Variants in GSDMC observed in about 807,000 individuals in gnomAD.
GSDMC encodes gasdermin C, also known as gasdermin-C.
A neutral mutation model predicts 58.0 loss-of-function variants in GSDMC; 59 were observed. That is an observed-to-expected ratio of 1.02 (90% confidence interval 0.82 to 1.26). The LOEUF (loss-of-function observed/expected upper bound fraction) is 1.26. Among genes scored for constraint, GSDMC ranks in the 50% most tolerant of loss-of-function variants. GSDMC has a pLI of 0.00. For synonymous variants in GSDMC, 241 were observed against 220.2 expected, an observed-to-expected ratio of 1.09 and a Z score of -0.83; for missense variants, 659 against 598.5, an observed-to-expected ratio of 1.10 and a Z score of -1.06.
In GSDMC at chr8:129,748,318, C is replaced by G; in HGVS notation, c.*183G>C. ...ATAAACTCTTGTCAATATATAAACT[C>G]TTGTCAATATATAGAGTATTCCACC... On this transcript the variant is annotated 3_prime_UTR_variant, in exon 14 of 14. Coordinates refer to ENST00000276708, the MANE Select transcript of GSDMC (RefSeq NM_031415.3). 2.0e-6 allele frequency: 1 copy of G among 501,508 alleles called. No homozygotes were observed. The highest frequency in any genetic ancestry group is 3.2e-5 in the East Asian group (1 of 31,718). The allele number at this position is 501,508 out of a possible 1,614,324, so 31.1% of individuals were successfully genotyped here.
intron 12 of GSDMC, 118 bp downstream of exon 12, chr8:129,749,872 A>G: frequency 1.3e-6 from 1 of 786,910 alleles, no homozygotes; most frequent in Non-Finnish European, 2.0e-6. Context: ...GCTGTGATGT[A>G]AGGACGAAAG....
rs74598894 is a variant in GSDMC at position 129,781,470 on chromosome 8, C to T, written c.-4-3879G>A. Among the ~76,000 whole-genome samples the T allele has an allele frequency of 9.5e-3, 1,447 of 152,214 alleles. 24 individuals are homozygous for T. Among genetic ancestry groups the T allele is most frequent in the African/African-American group, 0.032 (1,314 of 41,516 alleles). On this transcript the variant is annotated intron_variant, in intron 1 of 13. Transcript: ENST00000276708. ...TAATAGCTAGAGACTTCAGGCGAGACGCGATGGCTCACGCCTGTAATCCCA... is the reference window on the plus strand; with the variant it reads ...TAATAGCTAGAGACTTCAGGCGAGATGCGATGGCTCACGCCTGTAATCCCA...
chr8:129,755,710 G>A (rs944050623), intron 6 of GSDMC, among the ~76,000 whole-genome samples: 4 of 152,002 alleles, frequency 2.6e-5, no homozygotes, highest in Non-Finnish European at 4.4e-5. Flanking sequence ...GTTAGAAAGC[G>A]GGAAGGTAAA....
rs772031336 is a variant in GSDMC at position 129,777,473 on chromosome 8, A to G, written c.115T>C (p.Leu39=). Residue 39 remains leucine, a synonymous_variant, in exon 2 of 14, where the codon TTA becomes CTA. Transcript: ENST00000276708. The part of the protein sequence containing the change: ...SATKLRQFVI[L]RKKKDSRSSF... ...GAACGAGAATCCTTCTTCTTTCGTA[A>G]TATAACAAACTGACGTAATTTGGTG... The G allele has an allele frequency of 6.2e-7, 1 of 1,612,724 alleles. No individual in the cohort carries two copies. The highest frequency in any genetic ancestry group is 8.5e-7 in the Non-Finnish European group (1 of 1,178,702).
At chr8:129,732,992 C>G in the GSDMC span, among the ~76,000 whole-genome samples, 1 of 152,246 alleles carries the variant, frequency 6.6e-6, no homozygotes, top group African/African-American at 2.4e-5. Flanking sequence ...TAGCAAACAG[C>G]ACACCAGGAG....
intron 3 of GSDMC, among the ~76,000 whole-genome samples, chr8:129,768,132 C>T (rs892296049): frequency 6.6e-6 from 1 of 152,168 alleles, no homozygotes; most frequent in Non-Finnish European, 1.5e-5. Flanking sequence ...CCTCAGAGTA[C>T]GGGCAGTGGC....
chr8:129,761,609 C>T (rs775695432), intron 5 of GSDMC, among the ~76,000 whole-genome samples: 5 of 152,128 alleles, frequency 3.3e-5, no homozygotes, highest in Non-Finnish European at 7.4e-5. Context: ...GAAACTAGAG[C>T]TCCTTTTCTT....
intron 6 of GSDMC, among the ~76,000 whole-genome samples, 161 bp downstream of exon 6, chr8:129,760,384 T>C (rs1305784513): frequency 1.3e-5 from 2 of 152,202 alleles, no homozygotes; most frequent in African/African-American, 4.8e-5. Context: ...GCTTAGAACA[T>C]GAAGGATAAA....
the GSDMC span, among the ~76,000 whole-genome samples, chr8:129,714,390 T>C: frequency 6.6e-6 from 1 of 152,256 alleles, no homozygotes; most frequent in Admixed American, 6.5e-5. Context: ...CACTCATTCA[T>C]TCATTCCTCC....
chr8:129,768,399 G>A (rs1384948661), intron 3 of GSDMC, among the ~76,000 whole-genome samples: 1 of 152,170 alleles, frequency 6.6e-6, no homozygotes, highest in Non-Finnish European at 1.5e-5. Context: ...AAAGAAATGG[G>A]AGATCTATAA....
At chr8:129,728,408 C>T in the GSDMC span, among the ~76,000 whole-genome samples, 62 of 152,284 alleles carry the variant, frequency 4.1e-4, no homozygotes, top group African/African-American at 1.4e-3. Context: ...AGGTTGTCCC[C>T]GCATCACCAT....
chr8:129,768,205 A>G (rs1203981851), intron 3 of GSDMC, among the ~76,000 whole-genome samples: 1 of 152,194 alleles, frequency 6.6e-6, no homozygotes, highest in Non-Finnish European at 1.5e-5. Context: ...CAGCCAATCC[A>G]TCTAGAACCA....
rs2130312854 is a variant in GSDMC, at chr8:129,748,741, C to A, written c.1288-1G>T. On this transcript the variant is annotated splice_acceptor_variant, in intron 13 of 13. Coordinates refer to ENST00000276708, the MANE Select transcript of GSDMC (RefSeq NM_031415.3). LOFTEE classifies it high-confidence loss of function. ...AGTTTGGCTCCAGGATGCTCCTTACCTAGAAGAAAGATGATCAGGTTCTAC... is the reference window on the plus strand; with the variant it reads ...AGTTTGGCTCCAGGATGCTCCTTACATAGAAGAAAGATGATCAGGTTCTAC... 6.6e-7 allele frequency: 1 copy of A among 1,513,082 alleles called. No individual in the cohort carries two copies. The highest frequency in any genetic ancestry group is 8.8e-7 in the Non-Finnish European group (1 of 1,133,252). The allele number at this position is 1,513,082 out of a possible 1,614,324, so 93.7% of individuals were successfully genotyped here. A position where few individuals can be genotyped will look rare whatever the true frequency, so the allele number is the denominator to read the frequency against.
the GSDMC span, among the ~76,000 whole-genome samples, chr8:129,737,317 G>T: frequency 1.3e-5 from 2 of 152,138 alleles, no homozygotes; most frequent in African/African-American, 4.8e-5. Context: ...AACCAAAAAA[G>T]AGCCTGCATT....
rs1357680092 is a variant in GSDMC, at chr8:129,786,425, A to G, written c.-419T>C. On this transcript the variant is annotated 5_prime_UTR_variant, in exon 1 of 14. Transcript: ENST00000276708. ...AAATTGTCAGACAAACTCCAGGACC[A>G]GATCAATGTGATTCTGTTCACTGTT... The G allele has an allele frequency of 6.6e-6, 1 of 152,140 alleles. No individual in the cohort carries two copies. The highest frequency in any genetic ancestry group is 1.5e-5 in the Non-Finnish European group (1 of 68,046). The allele number at this position is 152,140 out of a possible 1,614,324, so 9.4% of individuals were successfully genotyped here.
intron 3 of GSDMC, among the ~76,000 whole-genome samples, chr8:129,774,309 G>A (rs1241677658): frequency 6.6e-6 from 1 of 152,126 alleles, no homozygotes; most frequent in Non-Finnish European, 1.5e-5. Flanking sequence ...ATAAAGGATA[G>A]TGTCTTCAAA....
At chr8:129,723,621 C>A in the GSDMC span, among the ~76,000 whole-genome samples, 2 of 152,054 alleles carry the variant, frequency 1.3e-5, no homozygotes, top group Non-Finnish European at 2.9e-5. Context: ...TGCCATTGAT[C>A]AACTCTGCTC....
In GSDMC at chr8:129,762,686, T is replaced by A; in HGVS notation, c.616A>T (p.Thr206Ser). ...GCCATCACCATGCCTTTCTGAAGAG[T>A]CAGCGCCTTCTTCTTCACTCTGAGA... ...ESLRVKKKAL[T>S]LQKGMVMAYK... is the part of the protein sequence containing the mutation. Residue 206 changes from threonine to serine, a missense_variant, in exon 5 of 14, where the codon ACT becomes TCT. Thr to Ser is a moderately conservative substitution (Grantham distance 58, BLOSUM62 1). Coordinates refer to ENST00000276708, the MANE Select transcript of GSDMC (RefSeq NM_031415.3). The A allele has an allele frequency of 6.2e-7, 1 of 1,613,890 alleles. No homozygotes were observed. Among genetic ancestry groups the A allele is most frequent in the Non-Finnish European group, 8.5e-7 (1 of 1,179,836 alleles).
chr8:129,759,071 G>A (rs1463123330), intron 6 of GSDMC, among the ~76,000 whole-genome samples: 1 of 151,976 alleles, frequency 6.6e-6, no homozygotes, highest in Admixed American at 6.6e-5. Flanking sequence ...TACCTACAGT[G>A]AACCATCTTT....
Sources: gnomAD v4.1 joint callset for allele counts (sites outside exome capture counted in the v4.1 genomes callset) on GRCh38, gnomAD v4.1.1 for gene constraint, MANE v1.5 for transcripts, NCBI Gene and HGNC (gene_info 2026-07-23, HGNC 2026-07-21) for gene names.